FRMD4B: variants seen among roughly 807,000 people sequenced by gnomAD.
FRMD4B encodes FERM domain-containing protein 4B.
A neutral mutation model predicts 141.5 loss-of-function variants in FRMD4B; 74 were observed. The ratio of observed to expected loss-of-function variants is 0.52; its 90% CI spans 0.43 to 0.63. The LOEUF (loss-of-function observed/expected upper bound fraction) is 0.63. FRMD4B is among the 30% of genes least tolerant of loss of function. The pLI is 0.00. For missense variants in FRMD4B, 1,366 were observed against 1,253.4 expected (o/e 1.09, Z -1.36); for synonymous variants, 506 against 467.9 (o/e 1.08, Z -1.05).
At chr3:69,298,762 C>G (rs1242286306) in intron 4 of FRMD4B, among the ~76,000 whole-genome samples, 1 of 152,134 alleles carries the variant, frequency 6.6e-6, no homozygotes, top group African/African-American at 2.4e-5. Flanking sequence ...AGAGGCCTTC[C>G]CTGACCACTG....
chr3:69,388,166 A>G (rs1215228960), upstream of FRMD4B, among the ~76,000 whole-genome samples: 3 of 152,094 alleles, frequency 2.0e-5, no homozygotes, highest in Admixed American at 2.0e-4. Flanking sequence ...AAAACCTACA[A>G]CAGGTCAATT....
At chr3:69,268,527 C>A (rs1345185602) in intron 5 of FRMD4B, among the ~76,000 whole-genome samples, 1 of 151,996 alleles carries the variant, frequency 6.6e-6, no homozygotes, top group Non-Finnish European at 1.5e-5. Flanking sequence ...CGCACCCTGG[C>A]ACCAATGTAC....
chr3:69,476,676 T>C (rs962784290), intron 1 of FRMD4B, among the ~76,000 whole-genome samples: 2 of 152,166 alleles, frequency 1.3e-5, no homozygotes, highest in Non-Finnish European at 2.9e-5. Flanking sequence ...AGGATTGACT[T>C]GGCAATGAGG....
intron 5 of FRMD4B, among the ~76,000 whole-genome samples, chr3:69,267,538 A>G (rs941309652): frequency 1.3e-5 from 2 of 150,826 alleles, no homozygotes; most frequent in African/African-American, 4.9e-5. Context: ...GCACCTATAT[A>G]GGCCTAGCAC....
At chr3:69,458,343 TAAAC>T (rs1559533630) in intron 1 of FRMD4B, among the ~76,000 whole-genome samples, 2 of 152,140 alleles carry the variant, frequency 1.3e-5, no homozygotes, top group Non-Finnish European at 2.9e-5. Context: ...CATGAGGCAT[TAAAC>T]AACGATTATG....
At chr3:69,507,850 A>G (rs924900294) in intron 1 of FRMD4B, among the ~76,000 whole-genome samples, 11 of 152,178 alleles carry the variant, frequency 7.2e-5, no homozygotes, top group African/African-American at 2.4e-4. Flanking sequence ...AGGGAAAAAT[A>G]GGTTTTTTTT....
chr3:69,417,182 C>A (rs985069775), intron 2 of FRMD4B, among the ~76,000 whole-genome samples: 4 of 152,152 alleles, frequency 2.6e-5, no homozygotes, highest in African/African-American at 7.2e-5. Context: ...TGTAAAAGGG[C>A]TCCTATTTCT....
intron 19 of FRMD4B, among the ~76,000 whole-genome samples, chr3:69,185,268 T>C (rs1304176075): frequency 7.4e-6 from 1 of 135,878 alleles, no homozygotes; most frequent in Non-Finnish European, 1.5e-5. Flanking sequence ...ACCACTGCAC[T>C]CCAGCCTGGG....
chr3:69,410,341 G>T (rs887420414), intron 2 of FRMD4B, among the ~76,000 whole-genome samples: 1 of 152,108 alleles, frequency 6.6e-6, no homozygotes, highest in Non-Finnish European at 1.5e-5. Flanking sequence ...GAATGCAGGG[G>T]TAAGCGTGTG....
At chr3:69,234,469 T>C (rs566224158) in intron 7 of FRMD4B, among the ~76,000 whole-genome samples, 29 of 152,298 alleles carry the variant, frequency 1.9e-4, no homozygotes, top group African/African-American at 6.3e-4. Context: ...GTTTAAGAGC[T>C]TTTCACTGGC....
intron 1 of FRMD4B, among the ~76,000 whole-genome samples, chr3:69,332,016 G>A (rs1357422864): frequency 6.6e-6 from 1 of 152,128 alleles, no homozygotes; most frequent in Non-Finnish European, 1.5e-5. Context: ...GAACCCAGGA[G>A]AGGGAGGTTA....
chr3:69,173,838 G>A (rs1347748554), intron 22 of FRMD4B, among the ~76,000 whole-genome samples: 1 of 152,178 alleles, frequency 6.6e-6, no homozygotes, highest in Non-Finnish European at 1.5e-5. Context: ...GGACAAAGAT[G>A]TTAACAGCTG....
chr3:69,325,659 A>G (rs1702167041), intron 1 of FRMD4B, among the ~76,000 whole-genome samples: 1 of 152,178 alleles, frequency 6.6e-6, no homozygotes, highest in Non-Finnish European at 1.5e-5. Context: ...GAAAGGATAA[A>G]AAATCAGTCT....
intron 13 of FRMD4B, 110 bp downstream of exon 13, chr3:69,196,790 A>T: frequency 2.5e-6 from 2 of 813,192 alleles, no homozygotes; most frequent in Non-Finnish European, 3.8e-6. Flanking sequence ...ACGCAAAAAA[A>T]TCTCAGAGAG....
intron 1 of FRMD4B, among the ~76,000 whole-genome samples, chr3:69,338,613 G>A (rs1702633726): frequency 6.6e-6 from 1 of 152,134 alleles, no homozygotes; most frequent in Non-Finnish European, 1.5e-5. Context: ...GTTTTCACCT[G>A]TAAGTGGGAG....
At chr3:69,331,554 G>C (rs1702370184) in intron 1 of FRMD4B, among the ~76,000 whole-genome samples, 1 of 152,142 alleles carries the variant, frequency 6.6e-6, no homozygotes, top group Non-Finnish European at 1.5e-5. Flanking sequence ...TCAGGGTCAA[G>C]AGCACAGACT....
intron 1 of FRMD4B, among the ~76,000 whole-genome samples, chr3:69,377,607 CT>C (rs745472965): frequency 6.6e-6 from 1 of 152,162 alleles, no homozygotes; most frequent in Non-Finnish European, 1.5e-5. Flanking sequence ...TTAAAGAGAG[CT>C]GCCTCCTCCA....
chr3:69,436,598 C>T (rs1259586840), intron 1 of FRMD4B, among the ~76,000 whole-genome samples: 1 of 152,092 alleles, frequency 6.6e-6, no homozygotes, highest in Non-Finnish European at 1.5e-5. Context: ...TGGGCAGATA[C>T]CCAAAAGAAT....
chr3:69,211,228 C>T (rs939660814), intron 11 of FRMD4B, among the ~76,000 whole-genome samples: 3 of 152,060 alleles, frequency 2.0e-5, no homozygotes, highest in African/African-American at 7.2e-5. Context: ...TTACAACCAC[C>T]CTACACAGTT....
Sources: allele counts gnomAD v4.1 joint callset (sites outside exome capture counted in the v4.1 genomes callset), GRCh38; gene constraint gnomAD v4.1.1; transcripts MANE v1.5; gene names NCBI Gene and HGNC (gene_info 2026-07-23, HGNC 2026-07-21).